Variants in CHFR observed in about 807,000 individuals in gnomAD.
CHFR encodes checkpoint with forkhead and ring finger domains.
CHFR carries 57 observed loss-of-function variants against 87.6 expected under a neutral mutation model. The observed-to-expected ratio is 0.65, with a 90% confidence interval of 0.53 to 0.81. CHFR has a LOEUF of 0.81. Ranked by LOEUF, CHFR falls within the 30% of genes least tolerant of loss-of-function variation. The pLI, the probability that CHFR is intolerant of heterozygous loss-of-function variation, is 0.00. For synonymous variants in CHFR, 381 were observed against 359.2 expected (o/e 1.06, Z -0.69); for missense variants, 797 against 865.8 (o/e 0.92, Z 1.00).
intron 3 of CHFR, among the ~76,000 whole-genome samples, chr12:132,876,250 A>G (rs1951630071): frequency 6.6e-6 from 1 of 152,224 alleles, no homozygotes. Flanking sequence ...TGCAAAATAT[A>G]TATACCAACA....
At chr12:132,847,869 C>A in intron 14 of CHFR, 1 of 1,405,518 alleles carries the variant, frequency 7.1e-7, no homozygotes, top group Middle Eastern at 2.7e-4. Context: ...GGCACAAAAA[C>A]GAAATACCTA....
intron 2 of CHFR, among the ~76,000 whole-genome samples, chr12:132,878,976 G>A (rs1438127485): frequency 6.6e-6 from 1 of 151,018 alleles, no homozygotes; most frequent in Non-Finnish European, 1.5e-5. Context: ...AGCCAACTGT[G>A]ATAGGCATTT....
intron 2 of CHFR, among the ~76,000 whole-genome samples, chr12:132,885,550 A>G (rs1355094101): frequency 6.6e-6 from 1 of 152,214 alleles, no homozygotes; most frequent in Non-Finnish European, 1.5e-5. Flanking sequence ...TGGCAACATT[A>G]TTTATAAATT....
Position 132,861,452 on chromosome 12 carries a change from C to T in CHFR, c.751+15G>A, listed in dbSNP as rs576667508. Reference sequence around the variant, plus strand: ...CACACGAGAGGACTGAGGACACACACAACCAGACACTAACCTCCTCTCATT... The same window carrying T: ...CACACGAGAGGACTGAGGACACACATAACCAGACACTAACCTCCTCTCATT... On this transcript the variant is annotated intron_variant, in intron 7 of 17. Coordinates refer to ENST00000450056, the MANE Select transcript of CHFR (RefSeq NM_001161346.2). 1.2e-6 allele frequency: 2 copies of T among 1,613,316 alleles called. No individual in the cohort carries two copies. Among genetic ancestry groups the T allele is most frequent in the Non-Finnish European group, 1.7e-6 (2 of 1,179,306 alleles).
intron 7 of CHFR, among the ~76,000 whole-genome samples, chr12:132,860,495 G>A (rs915935849): frequency 1.1e-4 from 17 of 151,994 alleles, no homozygotes; most frequent in South Asian, 2.1e-4. Context: ...TCCCCACACC[G>A]ATCAACCCCA....
chr12:132,845,523 G>A (rs556276289), intron 15 of CHFR, among the ~76,000 whole-genome samples: 99 of 152,020 alleles, frequency 6.5e-4, no homozygotes, highest in Non-Finnish European at 1.1e-3. Flanking sequence ...GGTAGCACAC[G>A]CTTGTGGTCC....
At position 132,859,076 on chromosome 12, in the gene CHFR, G is replaced by T; in HGVS notation, c.903C>A (p.Asp301Glu). The change falls in exon 8 of 18, where the codon GAC becomes GAA. Residue 301 changes from aspartate to glutamate, a missense_variant. This residue lies in a region of CHFR where 597 missense variants were observed against 601.2 expected (regional missense o/e 0.99). Transcript: ENST00000450056. ...TCIICQDLLH[D>E]CVSLQPCMHT... ...GGTGAACACGGTCGCACCTCACGCA[G>T]TCGTGCAGCAGGTCCTGGCAGATGA... 1 of 1,613,458 alleles carries T rather than the reference G, an allele frequency of 6.2e-7. No homozygotes were observed. The highest frequency in any genetic ancestry group is 8.5e-7 in the Non-Finnish European group (1 of 1,179,640).
At chr12:132,847,220 C>T in intron 14 of CHFR, 90 bp from the exon 15 acceptor site, 5 of 1,554,652 alleles carry the variant, frequency 3.2e-6, no homozygotes, top group Non-Finnish European at 4.4e-6. Flanking sequence ...TAAAAGGCCC[C>T]TGAAAGTGTG....
Position 132,838,772 on chromosome 12 carries a change from G to A in CHFR, c.*2782C>T, listed in dbSNP as rs972628351. The A allele has an allele frequency of 5.3e-5, 8 of 152,246 alleles. No individual in the cohort carries two copies. The highest frequency in any genetic ancestry group is 1.2e-4 in the African/African-American group (5 of 41,428). The allele number at this position is 152,246 out of a possible 1,614,324, so 9.4% of individuals were successfully genotyped here. A position where few individuals can be genotyped will look rare whatever the true frequency, so the allele number is the denominator to read the frequency against. On this transcript the variant is annotated 3_prime_UTR_variant, in exon 18 of 18. Coordinates refer to ENST00000450056, the MANE Select transcript of CHFR (RefSeq NM_001161346.2). ...GGTGGGATGGCTGGGTCTTGAGGACGAGGAAGTACAGAAGCTCATGAAAAG... is the reference window on the plus strand; with the variant it reads ...GGTGGGATGGCTGGGTCTTGAGGACAAGGAAGTACAGAAGCTCATGAAAAG...
At chr12:132,883,187 G>A (rs929220323) in intron 2 of CHFR, among the ~76,000 whole-genome samples, 1 of 152,200 alleles carries the variant, frequency 6.6e-6, no homozygotes, top group African/African-American at 2.4e-5. Flanking sequence ...CAGCACATTG[G>A]GAGGCCGAGG....
rs1161017404 is a variant in CHFR, at chr12:132,887,233, G to C, written c.96C>G (p.Leu32=). The C allele has an allele frequency of 1.3e-6, 2 of 1,504,280 alleles. No individual in the cohort carries two copies. The highest frequency in any genetic ancestry group is 1.8e-6 in the Non-Finnish European group (2 of 1,133,276). 93.2% of individuals were successfully genotyped at this position (1,504,280 alleles called of 1,614,324 possible). The change falls in exon 2 of 18, where the codon CTC becomes CTG. Residue 32 remains leucine (L), a synonymous_variant. Transcript: ENST00000450056. ...CGATGGTCCACTCCCGCTTCCTCAG[G>C]AGGACGTGCGGCTCGCCCTCCTCCG... ...LGAEEGEPHV[L]LRKREWTIGR...
Position 132,837,853 on chromosome 12 carries a change from GGCGGGCACGGCC to G in CHFR, c.*3689_*3700del, listed in dbSNP as rs1950660181. The G allele has an allele frequency of 6.6e-6, 1 of 152,398 alleles. No homozygotes were observed. Among genetic ancestry groups the G allele is most frequent in the East Asian group, 1.9e-4 (1 of 5,200 alleles). The allele number at this position is 152,398 out of a possible 1,614,324, so 9.4% of individuals were successfully genotyped here. A position where few individuals can be genotyped will look rare whatever the true frequency, so the allele number is the denominator to read the frequency against. On this transcript the variant is annotated 3_prime_UTR_variant, in exon 18 of 18. Transcript: ENST00000450056. ...AAACGGAGCCCACGTGGAGGCAGAGGGCGGGCACGGCCGCGGGGACAGCGTTCTGGTTTCCCC... is the reference window on the plus strand; with the variant it reads ...AAACGGAGCCCACGTGGAGGCAGAGGGCGGGGACAGCGTTCTGGTTTCCCC...
At chr12:132,848,040 G>C in intron 14 of CHFR, 45 bp downstream of exon 14, 1 of 1,613,512 alleles carries the variant, frequency 6.2e-7, no homozygotes, top group Non-Finnish European at 8.5e-7. Flanking sequence ...CTGCACTAGG[G>C]AGAAAATGTG....
At position 132,851,699 on chromosome 12, in the gene CHFR, C is replaced by G. The variant is rs1454391193; in HGVS notation, c.1411G>C (p.Ala471Pro). The change falls in exon 12 of 18, where the codon GCC (alanine) becomes CCC (proline). Residue 471 changes from alanine (A) to proline (P), a missense_variant. Physicochemically the swap from Ala to Pro is conservative, Grantham distance 27. Coordinates refer to ENST00000450056, the MANE Select transcript of CHFR (RefSeq NM_001161346.2). Reference protein sequence around the residue: ...DYVCPLQGSHALCTCCFQPMP... With the variant: ...DYVCPLQGSHPLCTCCFQPMP... ...GGCTGGAAGCAGCAGGTGCACAGGG[C>G]GTGGCTTCCTTGCAGAGGGCACACG... 1 of 1,613,424 alleles carries G rather than the reference C, an allele frequency of 6.2e-7. No individual in the cohort carries two copies. The highest frequency in any genetic ancestry group is 8.5e-7 in the Non-Finnish European group (1 of 1,179,924).
intron 8 of CHFR, among the ~76,000 whole-genome samples, chr12:132,858,186 C>A (rs1951126059): frequency 6.6e-6 from 1 of 151,958 alleles, no homozygotes; most frequent in Admixed American, 6.6e-5. Context: ...GTGAAACTCC[C>A]GTCTCTACTA....
rs764656153 is a variant in CHFR at position 132,839,015 on chromosome 12, T to C, written c.*2539A>G. ...AATCCTCTTCACAGTGGGCCAGGAG[T>C]TGGACTTCTCTGAAGGACTAAGGAA... On this transcript the variant is annotated 3_prime_UTR_variant, in exon 18 of 18. Coordinates refer to ENST00000450056, the MANE Select transcript of CHFR (RefSeq NM_001161346.2). 33 of 152,010 alleles carry C rather than the reference T, an allele frequency of 2.2e-4. No homozygotes were observed. The highest frequency in any genetic ancestry group is 4.0e-4 in the Non-Finnish European group (27 of 68,070). The allele number at this position is 152,010 out of a possible 1,614,324, so 9.4% of individuals were successfully genotyped here.
intron 10 of CHFR, 112 bp downstream of exon 10, chr12:132,856,356 G>A (rs1951070380): frequency 2.6e-6 from 3 of 1,174,396 alleles, no homozygotes; most frequent in African/African-American, 1.5e-5. Flanking sequence ...GGCTGCTCAG[G>A]GCAGAACTAG....
intron 6 of CHFR, chr12:132,867,842 C>T (rs1180048636): frequency 6.6e-6 from 1 of 152,094 alleles, no homozygotes; most frequent in Non-Finnish European, 1.5e-5. Flanking sequence ...ACACCATTTT[C>T]CTGGGCTCTG....
chr12:132,853,511 TG>T lies in CHFR; in HGVS notation c.1291del (p.His431ThrfsTer25). On this transcript the variant is annotated frameshift_variant, in exon 11 of 18. Transcript: ENST00000450056. LOFTEE classifies it high-confidence loss of function. ...EYRRQAAQPP[H>X]CPAPEGEPGA... ...TGGCTCGCCCTCGGGTGCTGGGCAG[TG>T]GGGAGGCTGCGCCGCCTGCCTTCTG... The T allele has an allele frequency of 1.3e-6, 2 of 1,532,086 alleles. No individual in the cohort carries two copies. The highest frequency in any genetic ancestry group is 8.7e-7 in the Non-Finnish European group (1 of 1,143,508). 94.9% of individuals were successfully genotyped at this position (1,532,086 alleles called of 1,614,324 possible). A position where few individuals can be genotyped will look rare whatever the true frequency, so the allele number is the denominator to read the frequency against.
Sources: gnomAD v4.1 joint callset for allele counts (sites outside exome capture counted in the v4.1 genomes callset) on GRCh38, gnomAD v4.1.1 for gene constraint, gnomAD v4.1.1 regional missense constraint, MANE v1.5 for transcripts, NCBI Gene and HGNC (gene_info 2026-07-23, HGNC 2026-07-21) for gene names.